SH2B3: variants seen among roughly 807,000 people sequenced by gnomAD.
SH2B3 encodes the protein SH2B adaptor protein 3.
SH2B3 carries 43 observed loss-of-function variants against 51.9 expected under a neutral mutation model. The observed-to-expected ratio is 0.83, with a 90% confidence interval of 0.65 to 1.07. SH2B3 has a LOEUF of 1.07. SH2B3 is among the 50% of genes least tolerant of loss of function. SH2B3 has a pLI of 0.00. For missense variants in SH2B3, 952 were observed against 834.3 expected, an observed-to-expected ratio of 1.14 and a Z score of -1.74; for synonymous variants, 396 against 376.0, an observed-to-expected ratio of 1.05 and a Z score of -0.62.
chr12:111,415,838 T>G (rs1871044044), intron 1 of SH2B3, among the ~76,000 whole-genome samples: 1 of 152,176 alleles, frequency 6.6e-6, no homozygotes, highest in Admixed American at 6.5e-5. Flanking sequence ...GCCAGGCTGG[T>G]TTCGAATTCC....
intron 2 of SH2B3, among the ~76,000 whole-genome samples, chr12:111,427,799 C>T (rs1401739940): frequency 6.6e-6 from 1 of 152,266 alleles, no homozygotes; most frequent in African/African-American, 2.4e-5. Context: ...GCCCTTTAAA[C>T]CACCATTTAT....
At position 111,429,015 on chromosome 12, in the gene SH2B3, C is replaced by CGAG. The variant is rs142822757; in HGVS notation, c.732+10168_732+10170dup. Among the ~76,000 whole-genome samples, 7,240 of 114,852 alleles carry CGAG rather than the reference C, an allele frequency of 0.063. 223 individuals are homozygous for CGAG. Among genetic ancestry groups the CGAG allele is most frequent in the African/African-American group, 0.088 (2,673 of 30,284 alleles). The allele number at this position is 114,852 out of a possible 152,430, so 75.3% of individuals were successfully genotyped here. A position where few individuals can be genotyped will look rare whatever the true frequency, so the allele number is the denominator to read the frequency against. Reference sequence around the variant, plus strand: ...GCGGTTTCCTCTCGGGGCAGGAGTGCGAGGAGGAGGAGGAGGAGGAGGAGG... The same window carrying CGAG: ...GCGGTTTCCTCTCGGGGCAGGAGTGCGAGGAGGAGGAGGAGGAGGAGGAGGAGG... On this transcript the variant is annotated intron_variant, in intron 2 of 7. Transcript: ENST00000341259. The surrounding 1 kb of genome is among the most constrained non-coding windows in gnomAD (Gnocchi z 4.4).
At chr12:111,447,055 C>T (rs1349200980) in intron 4 of SH2B3, 22 bp downstream of exon 4, 3 of 1,609,514 alleles carry the variant, frequency 1.9e-6, no homozygotes, top group Non-Finnish European at 2.6e-6. Context: ...GGCCCTCGTC[C>T]CTGGCACCAC....
intron 2 of SH2B3, among the ~76,000 whole-genome samples, chr12:111,422,109 T>C (rs1593043045): frequency 6.6e-6 from 1 of 152,264 alleles, no homozygotes; most frequent in Admixed American, 6.5e-5. Context: ...AGACGGAGTC[T>C]CGCTCTGTTG....
chr12:111,409,740 C>T lies in SH2B3; in HGVS notation c.-28+3463C>T, dbSNP rs1479299630. Among the ~76,000 whole-genome samples, 2 of 152,186 alleles carry T rather than the reference C, an allele frequency of 1.3e-5. No homozygotes were observed. The highest frequency in any genetic ancestry group is 2.9e-5 in the Non-Finnish European group (2 of 68,018). ...CTGAGGCCTGGCAGCAGGACCAGGC[C>T]ACCACTGGACATCTGCTCAATGGGG... On this transcript the variant is annotated intron_variant, in intron 1 of 7. Transcript: ENST00000341259. The surrounding 1 kb of genome is among the most constrained non-coding windows in gnomAD (Gnocchi z 4.0).
intron 2 of SH2B3, among the ~76,000 whole-genome samples, chr12:111,432,116 ATTC>A (rs1872536643): frequency 7.5e-6 from 1 of 133,566 alleles, no homozygotes; most frequent in African/African-American, 3.2e-5. Flanking sequence ...ATTTTTCTGT[ATTC>A]TTTTTTTTTT....
At chr12:111,446,352 CTT>C (rs1458635022) in intron 2 of SH2B3, among the ~76,000 whole-genome samples, 1 of 152,246 alleles carries the variant, frequency 6.6e-6, no homozygotes, top group Non-Finnish European at 1.5e-5. Context: ...GTGGCTATAA[CTT>C]AGGCTAGCCA....
chr12:111,413,997 T>C (rs1593031375), intron 1 of SH2B3, among the ~76,000 whole-genome samples: 1 of 152,150 alleles, frequency 6.6e-6, no homozygotes, highest in Non-Finnish European at 1.5e-5. Context: ...GCAGATCGTG[T>C]AGGTGGGGCA....
At chr12:111,445,447 ACT>A (rs1593074379) in intron 2 of SH2B3, among the ~76,000 whole-genome samples, 1 of 152,010 alleles carries the variant, frequency 6.6e-6, no homozygotes, top group African/African-American at 2.4e-5. Flanking sequence ...GTGAGGCCTC[ACT>A]CTGCCTGCCT....
In SH2B3 at chr12:111,429,706, C is replaced by G. The variant is rs1417662885; in HGVS notation, c.732+10829C>G. Among the ~76,000 whole-genome samples the G allele has an allele frequency of 5.3e-5, 8 of 152,186 alleles. No individual in the cohort carries two copies. Among genetic ancestry groups the G allele is most frequent in the South Asian group, 4.1e-4 (2 of 4,822 alleles). ...TCCCATGGAATCCTTATCACAAACC[C>G]CGGAGGTGGGGACAGTGATGAAGCC... On this transcript the variant is annotated intron_variant, in intron 2 of 7. Coordinates refer to ENST00000341259, the MANE Select transcript of SH2B3 (RefSeq NM_005475.3). The surrounding 1 kb of genome is among the most constrained non-coding windows in gnomAD (Gnocchi z 4.4).
Position 111,418,302 on chromosome 12 carries a change from C to A in SH2B3, c.157C>A (p.Pro53Thr). Residue 53 changes from proline to threonine, a missense_variant, in exon 2 of 8, where the codon CCG becomes ACG. Pro to Thr is a conservative substitution (Grantham distance 38, BLOSUM62 -1). Coordinates refer to ENST00000341259, the MANE Select transcript of SH2B3 (RefSeq NM_005475.3). This position sits in a 1 kb window ranked among gnomAD's most constrained non-coding sequence, Gnocchi z 6.7. ...GTACTGGCTGTTCGCCCGGGAGCAT[C>A]CGCAGCACGCGCCGCTGCGCGCCGA... The part of the protein sequence containing the change: ...RQYWLFAREH[P>T]QHAPLRAELV... 1 of 1,532,684 alleles carries A rather than the reference C, an allele frequency of 6.5e-7. No individual in the cohort carries two copies. 94.9% of individuals were successfully genotyped at this position (1,532,684 alleles called of 1,614,324 possible). A position where few individuals can be genotyped will look rare whatever the true frequency, so the allele number is the denominator to read the frequency against.
chr12:111,419,788 G>C (rs763984911), intron 2 of SH2B3, among the ~76,000 whole-genome samples: 2 of 152,232 alleles, frequency 1.3e-5, no homozygotes, highest in African/African-American at 4.8e-5. Context: ...ATCACTATTA[G>C]CTAAACGCCA....
intron 2 of SH2B3, among the ~76,000 whole-genome samples, chr12:111,422,146 C>A (rs918391189): frequency 5.9e-5 from 9 of 152,190 alleles, no homozygotes; most frequent in Admixed American, 5.9e-4. Context: ...GAGGCACAAT[C>A]TCGGCTCACT....
rs1179818029 is a variant in SH2B3, at chr12:111,438,425, G to T, written c.733-8328G>T. Among the ~76,000 whole-genome samples the T allele has an allele frequency of 6.6e-6, 1 of 152,056 alleles. No individual in the cohort carries two copies. Among genetic ancestry groups the T allele is most frequent in the Non-Finnish European group, 1.5e-5 (1 of 67,970 alleles). ...TCCCTGGCCAGCTGGAGGGGCCTTG[G>T]GAGGCCCACCCCAGCCCTGAGAGCA... On this transcript the variant is annotated intron_variant, in intron 2 of 7. Transcript: ENST00000341259. The surrounding 1 kb of genome is among the most constrained non-coding windows in gnomAD (Gnocchi z 4.2).
chr12:111,441,068 G>A (rs1470643001), intron 2 of SH2B3, among the ~76,000 whole-genome samples: 1 of 151,862 alleles, frequency 6.6e-6, no homozygotes, highest in African/African-American at 2.4e-5. Flanking sequence ...ACTCTATCCT[G>A]GGCAACAGAG....
chr12:111,406,975 T>C lies in SH2B3; in HGVS notation c.-28+698T>C, dbSNP rs111584889. Among the ~76,000 whole-genome samples, 48 of 152,302 alleles carry C rather than the reference T, an allele frequency of 3.2e-4. 3 individuals carry two copies. Among genetic ancestry groups the C allele is most frequent in the African/African-American group, 1.1e-3 (45 of 41,574 alleles). On this transcript the variant is annotated intron_variant, in intron 1 of 7. Transcript: ENST00000341259. The surrounding 1 kb of genome is among the most constrained non-coding windows in gnomAD (Gnocchi z 5.7). The stretch of plus-strand genomic sequence containing the variant: ...ACGTCTGGAGTGGGTGTTGGTCTTC[T>C]AGATCCGCACGGTAGGGATGGTATT...
chr12:111,434,984 A>G, intron 2 of SH2B3: 1 of 1,535,580 alleles, frequency 6.5e-7, no homozygotes, highest in Non-Finnish European at 8.7e-7. Flanking sequence ...CCACCCCAGA[A>G]GCCCTTGCTC....
rs117020263 is a variant in SH2B3 at position 111,428,048 on chromosome 12, T to C, written c.732+9171T>C. On this transcript the variant is annotated intron_variant, in intron 2 of 7. Transcript: ENST00000341259. ...TTAGAAGGACTTACTGTCAGTATTATTGATGGCACTGTTAACTAGGGCCCT... is the reference window on the plus strand; with the variant it reads ...TTAGAAGGACTTACTGTCAGTATTACTGATGGCACTGTTAACTAGGGCCCT... Among the ~76,000 whole-genome samples, 1,523 of 152,352 alleles carry C rather than the reference T, an allele frequency of 1.0e-2. 12 individuals are homozygous for C. The highest frequency in any genetic ancestry group is 0.016 in the Non-Finnish European group (1,096 of 68,032).
Position 111,418,455 on chromosome 12 carries a change from C to A in SH2B3, c.310C>A (p.Pro104Thr). Reference protein sequence around the residue: ...RGPPAKAEASPEPGPGPAAPG... With the variant: ...RGPPAKAEASTEPGPGPAAPG... Reference sequence around the variant, plus strand: ...GCCCCCAGCCAAGGCCGAGGCGTCCCCGGAGCCAGGCCCCGGCCCCGCCGC... The same window carrying A: ...GCCCCCAGCCAAGGCCGAGGCGTCCACGGAGCCAGGCCCCGGCCCCGCCGC... Residue 104 changes from proline to threonine, a missense_variant, in exon 2 of 8, where the codon CCG (proline) becomes ACG (threonine). Transcript: ENST00000341259. The surrounding 1 kb of genome is among the most constrained non-coding windows in gnomAD (Gnocchi z 6.7). The A allele has an allele frequency of 7.2e-7, 1 of 1,393,504 alleles. No homozygotes were observed. The highest frequency in any genetic ancestry group is 1.5e-5 in the South Asian group (1 of 67,882). The allele number at this position is 1,393,504 out of a possible 1,614,324, so 86.3% of individuals were successfully genotyped here.
Sources: gnomAD v4.1 joint callset for allele counts (sites outside exome capture counted in the v4.1 genomes callset) on GRCh38, gnomAD v4.1.1 for gene constraint, Gnocchi (gnomAD v3.1) non-coding constraint, MANE v1.5 for transcripts, NCBI Gene and HGNC (gene_info 2026-07-23, HGNC 2026-07-21) for gene names.